Variants in DHTKD1 observed in about 807,000 individuals in gnomAD.
DHTKD1 encodes the protein dehydrogenase E1 and transketolase domain containing 1.
Under a neutral mutation model 101.8 loss-of-function variants are expected in DHTKD1, and 78 were observed. That is an observed-to-expected ratio of 0.77 (90% CI 0.64 to 0.93). The LOEUF (loss-of-function observed/expected upper bound fraction) is 0.93, where lower values mean the gene tolerates loss of function less well. Ranked by LOEUF, DHTKD1 falls within the 40% of genes least tolerant of loss-of-function variation. The pLI, the probability that DHTKD1 is intolerant of heterozygous loss-of-function variation, is 0.00. For synonymous variants in DHTKD1, 462 were observed against 450.3 expected (o/e 1.03, Z -0.33); for missense variants, 1,223 against 1,161.7 (o/e 1.05, Z -0.77).
In DHTKD1 at chr10:12,119,557, A is replaced by G. The variant is rs1026240033; in HGVS notation, c.2573-625A>G. ...CGTGAACCCGGGAGGCGGAGCTTGC[A>G]GTGAGCCGAGATTGCGCTACTGCAC... On this transcript the variant is annotated intron_variant, in intron 15 of 16. Transcript: ENST00000263035. Among the ~76,000 whole-genome samples the G allele has an allele frequency of 2.1e-5, 3 of 145,786 alleles. No individual in the cohort carries two copies. In the East Asian group the frequency reaches 6.2e-4, roughly 30 times the overall value.
At chr10:12,119,254 C>A (rs1254767941) in intron 15 of DHTKD1, among the ~76,000 whole-genome samples, 2 of 150,222 alleles carry the variant, frequency 1.3e-5, no homozygotes, top group Non-Finnish European at 3.0e-5. Context: ...TGCAGTGAGC[C>A]GAGATTGTGC....
intron 16 of DHTKD1, among the ~76,000 whole-genome samples, chr10:12,120,527 G>A (rs1833510470): frequency 1.3e-5 from 2 of 151,844 alleles, no homozygotes; most frequent in African/African-American, 2.4e-5. Flanking sequence ...TAGTAGAGAC[G>A]GGGTTTCACC....
At chr10:12,080,963 A>C (rs1056837254) in intron 1 of DHTKD1, among the ~76,000 whole-genome samples, 21 of 151,266 alleles carry the variant, frequency 1.4e-4, no homozygotes, top group Non-Finnish European at 2.8e-4. Flanking sequence ...GCTACTCGGG[A>C]GACTGAGGCA....
intron 1 of DHTKD1, among the ~76,000 whole-genome samples, chr10:12,079,872 T>C (rs1289532925): frequency 1.3e-5 from 2 of 152,170 alleles, no homozygotes; most frequent in African/African-American, 4.8e-5. Flanking sequence ...TGGGATGGTT[T>C]GATTCATTTA....
chr10:12,083,969 C>T (rs980709619), intron 2 of DHTKD1, among the ~76,000 whole-genome samples: 1 of 151,918 alleles, frequency 6.6e-6, no homozygotes, highest in African/African-American at 2.4e-5. Context: ...GTCGCCCAGG[C>T]TGGAGTGCAG....
At chr10:12,119,203 G>A (rs1200367878) in intron 15 of DHTKD1, among the ~76,000 whole-genome samples, 1 of 151,556 alleles carries the variant, frequency 6.6e-6, no homozygotes, top group Non-Finnish European at 1.5e-5. Context: ...CTCCTTGGGA[G>A]CCTGAGGCAG....
chr10:12,069,507 CTT>C (rs1162947579), intron 1 of DHTKD1, among the ~76,000 whole-genome samples: 15 of 138,004 alleles, frequency 1.1e-4, no homozygotes, highest in Non-Finnish European at 2.0e-4. Flanking sequence ...TTTTCTTTCT[CTT>C]TTTGTTTCCT....
chr10:12,119,063 T>C lies in DHTKD1; in HGVS notation c.2572+145T>C, dbSNP rs557309812. On this transcript the variant is annotated intron_variant, in intron 15 of 16. Transcript: ENST00000263035. The stretch of plus-strand genomic sequence containing the variant: ...GGCTCACACCTGTAATCCTGGCACT[T>C]TGGGAAGCTGAGGTGGGTGGATCAC... The C allele has an allele frequency of 3.2e-5, 21 of 655,756 alleles. No homozygotes were observed. In the African/African-American group the frequency reaches 3.8e-4, roughly 12 times the overall value. The allele number at this position is 655,756 out of a possible 1,614,324, so 40.6% of individuals were successfully genotyped here. A position where few individuals can be genotyped will look rare whatever the true frequency, so the allele number is the denominator to read the frequency against.
rs980782018 is a variant in DHTKD1 at position 12,122,881 on chromosome 10, G to A, written c.*1993G>A. ...CTCTGAAGTGGTGTGGGAAGTACCA[G>A]GGGACTGGCAGAAGCCCAGGCCCTC... On this transcript the variant is annotated 3_prime_UTR_variant, in exon 17 of 17. Transcript: ENST00000263035. 1 of 152,274 alleles carries A rather than the reference G, an allele frequency of 6.6e-6. No individual in the cohort carries two copies. 9.4% of individuals were successfully genotyped at this position (152,274 alleles called of 1,614,324 possible). A position where few individuals can be genotyped will look rare whatever the true frequency, so the allele number is the denominator to read the frequency against.
intron 1 of DHTKD1, among the ~76,000 whole-genome samples, chr10:12,072,556 T>G (rs1049286395): frequency 6.6e-6 from 1 of 152,174 alleles, no homozygotes; most frequent in African/African-American, 2.4e-5. Context: ...ACCTTTTGGA[T>G]GGCAGTGGTT....
chr10:12,081,338 C>G (rs943444426), intron 1 of DHTKD1, 134 bp from the exon 2 acceptor site: 1 of 660,112 alleles, frequency 1.5e-6, no homozygotes, highest in African/African-American at 1.9e-5. Flanking sequence ...TAGAGCAAGA[C>G]CCTGTCTCTA....
intron 7 of DHTKD1, among the ~76,000 whole-genome samples, chr10:12,094,651 T>C (rs891913940): frequency 6.7e-6 from 1 of 150,106 alleles, no homozygotes; most frequent in Non-Finnish European, 1.5e-5. Context: ...CATGAAACTT[T>C]AAGAGCTAAA....
chr10:12,085,771 C>A lies in DHTKD1; in HGVS notation c.522+1020C>A, dbSNP rs952535288. 1.3e-5 allele frequency among the ~76,000 whole-genome samples: 2 copies of A among 151,900 alleles called. 1 individual carries two copies. The highest frequency in any genetic ancestry group is 6.3e-3 in the Middle Eastern group (2 of 316). ...ATGTGGTGGAGCATACCTGTGGTCC[C>A]AACTACTTGGGAAGCTGAGGCAGGA... On this transcript the variant is annotated intron_variant, in intron 3 of 16. Transcript: ENST00000263035.
Position 12,118,849 on chromosome 10 carries a change from G to T in DHTKD1, c.2503G>T (p.Val835Leu), listed in dbSNP as rs370679493. 3 of 1,608,612 alleles carry T rather than the reference G, an allele frequency of 1.9e-6. No homozygotes were observed. The highest frequency in any genetic ancestry group is 2.5e-6 in the Non-Finnish European group (3 of 1,177,932). The stretch of plus-strand genomic sequence containing the variant: ...GAAGCATGACTTTGCCATCATCCGA[G>T]TAGAGGAACTCTGCCCCTTCCCGTT... ...AKKHDFAIIR[V>L]EELCPFPLDS... The change falls in exon 15 of 17, where the codon GTA (valine) becomes TTA (leucine). Residue 835 changes from valine to leucine, a missense_variant. Val to Leu is a conservative substitution (Grantham distance 32). Transcript: ENST00000263035.
rs75245105 is a variant in DHTKD1 at position 12,104,172 on chromosome 10, G to T, written c.1897-2074G>T. ...CAAGGTCCATCCATGCATGCAGCATGTATCAGTACATCCTTCTTTTTTTTG... is the reference window on the plus strand; with the variant it reads ...CAAGGTCCATCCATGCATGCAGCATTTATCAGTACATCCTTCTTTTTTTTG... On this transcript the variant is annotated intron_variant, in intron 10 of 16. Transcript: ENST00000263035. 3.7e-3 allele frequency among the ~76,000 whole-genome samples: 567 copies of T among 152,298 alleles called. 4 individuals carry two copies. The highest frequency in any genetic ancestry group is 0.013 in the African/African-American group (539 of 41,562).
In DHTKD1 at chr10:12,087,016, T is replaced by A. The variant is rs570002756; in HGVS notation, c.523-519T>A. On this transcript the variant is annotated intron_variant, in intron 3 of 16. Transcript: ENST00000263035. The surrounding 1 kb of genome is among the most constrained non-coding windows in gnomAD (Gnocchi z 5.2). ...CTTACTTCTTAAGAACTAAAGATAC[T>A]TAAGTTCAGAACTTAATCTGAGATG... Among the ~76,000 whole-genome samples, 1 of 152,292 alleles carries A rather than the reference T, an allele frequency of 6.6e-6. No individual in the cohort carries two copies. Among genetic ancestry groups the A allele is most frequent in the African/African-American group, 2.4e-5 (1 of 41,564 alleles).
chr10:12,122,475 G>A lies in DHTKD1; in HGVS notation c.*1587G>A, dbSNP rs932936915. 1 of 152,186 alleles carries A rather than the reference G, an allele frequency of 6.6e-6. No homozygotes were observed. Among genetic ancestry groups the A allele is most frequent in the African/African-American group, 2.4e-5 (1 of 41,416 alleles). 9.4% of individuals were successfully genotyped at this position (152,186 alleles called of 1,614,324 possible). Reference sequence around the variant, plus strand: ...TCTACTAAAAATACAAAAATTAGCTGGGCGTGGTGGTGGGTGTCTGTAATC... The same window carrying A: ...TCTACTAAAAATACAAAAATTAGCTAGGCGTGGTGGTGGGTGTCTGTAATC... On this transcript the variant is annotated 3_prime_UTR_variant, in exon 17 of 17. Transcript: ENST00000263035.
At chr10:12,080,645 A>G (rs1832801543) in intron 1 of DHTKD1, among the ~76,000 whole-genome samples, 1 of 151,416 alleles carries the variant, frequency 6.6e-6, no homozygotes, top group African/African-American at 2.4e-5. Flanking sequence ...CGGGAGGCGC[A>G]GGTTGCAGTG....
Position 12,098,053 on chromosome 10 carries a change from T to C in DHTKD1, c.1671+57T>C, listed in dbSNP as rs534046869. 5 of 1,496,590 alleles carry C rather than the reference T, an allele frequency of 3.3e-6. No individual in the cohort carries two copies. The African/African-American group carries it at 7.0e-5, about 21-fold the overall frequency. 92.7% of individuals were successfully genotyped at this position (1,496,590 alleles called of 1,614,324 possible). A position where few individuals can be genotyped will look rare whatever the true frequency, so the allele number is the denominator to read the frequency against. On this transcript the variant is annotated intron_variant, in intron 8 of 16. Transcript: ENST00000263035. ...TCTCCTTCCTGCTCAGCAAAGGAGC[T>C]GACGTTGGTCTGGTGTTTTCAGTTG...
Sources: gnomAD v4.1 joint callset for allele counts (sites outside exome capture counted in the v4.1 genomes callset) on GRCh38, gnomAD v4.1.1 for gene constraint, Gnocchi (gnomAD v3.1) non-coding constraint, MANE v1.5 for transcripts, NCBI Gene and HGNC (gene_info 2026-07-23, HGNC 2026-07-21) for gene names.